The following KDM2A variants were observed in gnomAD, a reference collection of about 807,000 sequenced individuals.
The protein encoded by KDM2A is lysine demethylase 2A.
In KDM2A, 3 loss-of-function variants were observed where a neutral mutation model predicts 137.3. That is an observed-to-expected ratio of 0.02 (90% CI 0.01 to 0.06). The LOEUF is 0.06. Among genes scored for constraint, KDM2A ranks in the 10% least tolerant of loss-of-function variants. KDM2A has a pLI of 1.00. For missense variants in KDM2A, 738 were observed against 1,510.6 expected, an observed-to-expected ratio of 0.49 and a Z score of 8.48; for synonymous variants, 512 against 541.5, an observed-to-expected ratio of 0.95 and a Z score of 0.76.
At chr11:67,145,924 A>G (rs1856234043) in intron 2 of KDM2A, among the ~76,000 whole-genome samples, 1 of 145,542 alleles carries the variant, frequency 6.9e-6, no homozygotes, top group African/African-American at 2.6e-5. Context: ...TGTATCCGGG[A>G]GATTTTCAAC....
chr11:67,195,237 C>T (rs1348545127), intron 5 of KDM2A, among the ~76,000 whole-genome samples: 2 of 151,936 alleles, frequency 1.3e-5, no homozygotes, highest in East Asian at 1.9e-4. Flanking sequence ...GGCGTGGTGG[C>T]GCATGCCTAT....
intron 2 of KDM2A, among the ~76,000 whole-genome samples, chr11:67,171,762 C>T (rs1185997015): frequency 6.6e-6 from 1 of 152,216 alleles, no homozygotes; most frequent in Non-Finnish European, 1.5e-5. Flanking sequence ...AAGTGATCCT[C>T]GTGCCTTGGC....
chr11:67,237,330 C>T (rs1858899978), intron 12 of KDM2A, among the ~76,000 whole-genome samples: 1 of 152,012 alleles, frequency 6.6e-6, no homozygotes, highest in Non-Finnish European at 1.5e-5. Flanking sequence ...TAGGAATTCT[C>T]TTCAGTTGAT....
At chr11:67,133,727 A>G (rs1212684846) in intron 2 of KDM2A, among the ~76,000 whole-genome samples, 1 of 149,970 alleles carries the variant, frequency 6.7e-6, no homozygotes, top group African/African-American at 2.5e-5. Context: ...TTTTTTTGAG[A>G]CAGAGTCTCT....
rs1858730473 is a variant in KDM2A at position 67,231,827 on chromosome 11, G to A, written c.1346G>A (p.Arg449Lys). 1.2e-6 allele frequency: 2 copies of A among 1,614,028 alleles called. No homozygotes were observed. The highest frequency in any genetic ancestry group is 1.7e-6 in the Non-Finnish European group (2 of 1,179,888). The change falls in exon 12 of 21, where the codon AGG (arginine) becomes AAG (lysine). Residue 449 changes from arginine to lysine, a missense_variant. Physicochemically the swap from Arg to Lys is conservative, Grantham distance 26. Coordinates refer to ENST00000529006, the MANE Select transcript of KDM2A (RefSeq NM_012308.3). ...WDPQCAPRKD[R>K]QVHLTHFELE... ...CCCCAGTGTGCTCCCCGAAAGGACA[G>A]GCAAGTGCATCTGACCCATTTTGAG...
chr11:67,157,659 C>A (rs1306461783), intron 2 of KDM2A, among the ~76,000 whole-genome samples: 1 of 150,096 alleles, frequency 6.7e-6, no homozygotes, highest in African/African-American at 2.5e-5. Context: ...GCACAAGGAT[C>A]GCTGGAACTG....
intron 12 of KDM2A, chr11:67,239,983 A>T (rs947327153): frequency 8.6e-7 from 1 of 1,165,668 alleles, no homozygotes; most frequent in Non-Finnish European, 1.1e-6. Context: ...GCTCTGCAGC[A>T]GAACGGCTGG....
chr11:67,196,375 A>G (rs777882479), intron 5 of KDM2A: 26 of 455,952 alleles, frequency 5.7e-5, no homozygotes, highest in African/African-American at 4.2e-4. Flanking sequence ...CCTGGACTCA[A>G]GCGATCTTCC....
intron 2 of KDM2A, among the ~76,000 whole-genome samples, chr11:67,134,879 A>C (rs1290780983): frequency 6.6e-6 from 1 of 152,172 alleles, no homozygotes; most frequent in African/African-American, 2.4e-5. Flanking sequence ...CATGCTTTGC[A>C]AAAGTAAGCA....
intron 2 of KDM2A, among the ~76,000 whole-genome samples, chr11:67,150,809 T>C (rs1856367397): frequency 7.3e-6 from 1 of 136,540 alleles, no homozygotes; most frequent in Non-Finnish European, 1.6e-5. Flanking sequence ...TCTACAAAAA[T>C]AAAATTAAAA....
chr11:67,137,078 A>C (rs1328795352), intron 2 of KDM2A, among the ~76,000 whole-genome samples: 1 of 152,220 alleles, frequency 6.6e-6, no homozygotes, highest in Non-Finnish European at 1.5e-5. Context: ...AAAGATGCAG[A>C]GTGATTAGCA....
chr11:67,253,011 C>T (rs894903629), intron 18 of KDM2A, among the ~76,000 whole-genome samples, 154 bp downstream of exon 18: 2 of 152,176 alleles, frequency 1.3e-5, no homozygotes, highest in Non-Finnish European at 2.9e-5. Context: ...TACCCAGGGC[C>T]ATCTTAAGTG....
chr11:67,197,898 C>T (rs997081109), intron 5 of KDM2A, among the ~76,000 whole-genome samples: 1 of 152,104 alleles, frequency 6.6e-6, no homozygotes, highest in Non-Finnish European at 1.5e-5. Flanking sequence ...CTACCAATAA[C>T]CTACTGTTTA....
At chr11:67,193,391 G>T (rs956585993) in intron 5 of KDM2A, among the ~76,000 whole-genome samples, 3 of 152,188 alleles carry the variant, frequency 2.0e-5, no homozygotes, top group Non-Finnish European at 4.4e-5. Context: ...AATGTTTATT[G>T]ACTATTTGGG....
At chr11:67,163,407 T>C (rs1856675919) in intron 2 of KDM2A, among the ~76,000 whole-genome samples, 1 of 152,162 alleles carries the variant, frequency 6.6e-6, no homozygotes. Context: ...TTCCAAAAGG[T>C]ATGGACTTGG....
intron 2 of KDM2A, among the ~76,000 whole-genome samples, chr11:67,168,074 G>GAT (rs1167512488): frequency 1.3e-5 from 2 of 152,096 alleles, no homozygotes; most frequent in Non-Finnish European, 2.9e-5. Context: ...TCCATCATGA[G>GAT]ATATGAAATT....
intron 10 of KDM2A, among the ~76,000 whole-genome samples, chr11:67,221,897 T>A (rs1435877276): frequency 6.6e-6 from 1 of 151,498 alleles, no homozygotes; most frequent in African/African-American, 2.4e-5. Context: ...TTGGTGCCAC[T>A]GTACTCCAGC....
intron 16 of KDM2A, 54 bp downstream of exon 16, chr11:67,248,424 G>T (rs1859313896): frequency 8.1e-7 from 1 of 1,229,770 alleles, no homozygotes; most frequent in Non-Finnish European, 1.2e-6. Flanking sequence ...ATCAAATGTG[G>T]GGGATTGCTA....
intron 2 of KDM2A, among the ~76,000 whole-genome samples, chr11:67,155,867 C>T (rs1247611222): frequency 7.4e-5 from 11 of 147,844 alleles, no homozygotes; most frequent in Admixed American, 1.4e-4. Context: ...CCGCCTGCCT[C>T]GGCCTCCCAA....
Sources: allele counts gnomAD v4.1 joint callset (sites outside exome capture counted in the v4.1 genomes callset), GRCh38; gene constraint gnomAD v4.1.1; transcripts MANE v1.5; gene names NCBI Gene and HGNC (gene_info 2026-07-23, HGNC 2026-07-21).